SLC22A23: variants seen among roughly 807,000 people sequenced by gnomAD.
SLC22A23 encodes ion transporter protein.
In SLC22A23, 26 loss-of-function variants were observed where a neutral mutation model predicts 61.0. The ratio of observed to expected loss-of-function variants is 0.43; its 90% confidence interval spans 0.31 to 0.59. SLC22A23 has a LOEUF of 0.59. Ranked by LOEUF, SLC22A23 falls within the 20% of genes least tolerant of loss-of-function variation. The pLI, the probability that SLC22A23 is intolerant of heterozygous loss-of-function variation, is 0.11. For synonymous variants in SLC22A23, 430 were observed against 413.9 expected, an observed-to-expected ratio of 1.04 and a Z score of -0.47; for missense variants, 796 against 934.7, an observed-to-expected ratio of 0.85 and a Z score of 1.94.
At chr6:3,433,861 C>T (rs968214611) in intron 1 of SLC22A23, among the ~76,000 whole-genome samples, 1 of 152,148 alleles carries the variant, frequency 6.6e-6, no homozygotes, top group South Asian at 2.1e-4. Context: ...ATTAACGCAG[C>T]GGTTGCCTAA....
rs997159370 is a variant in SLC22A23 at position 3,270,669 on chromosome 6, G to A, written c.*2386C>T. 5.9e-5 allele frequency: 9 copies of A among 152,518 alleles called. No homozygotes were observed. Among genetic ancestry groups the A allele is most frequent in the African/African-American group, 2.2e-4 (9 of 41,580 alleles). The allele number at this position is 152,518 out of a possible 1,614,324, so 9.4% of individuals were successfully genotyped here. ...AAAGCTAGCCTCTTTTCCAGTCATC[G>A]ATGGATTAGTCCTGATGGCTGAAGT... On this transcript the variant is annotated 3_prime_UTR_variant, in exon 10 of 10. Transcript: ENST00000406686.
chr6:3,364,190 T>A (rs770441578), intron 3 of SLC22A23, among the ~76,000 whole-genome samples: 1 of 152,202 alleles, frequency 6.6e-6, no homozygotes, highest in Non-Finnish European at 1.5e-5. Flanking sequence ...AAATGAACAC[T>A]AACTGTCCTT....
At chr6:3,285,141 C>T (rs1421437239) in intron 7 of SLC22A23, 30 bp from the exon 8 acceptor site, 23 of 1,612,822 alleles carry the variant, frequency 1.4e-5, no homozygotes, top group South Asian at 6.6e-5. Flanking sequence ...CGCACCCACA[C>T]GGACAAGGGC....
chr6:3,334,453 G>A (rs767239745), intron 3 of SLC22A23, among the ~76,000 whole-genome samples: 31 of 151,710 alleles, frequency 2.0e-4, no homozygotes, highest in South Asian at 4.2e-4. Flanking sequence ...GAGCCACTGC[G>A]CCCAGCGTAG....
chr6:3,368,397 A>G (rs967431808), intron 3 of SLC22A23, among the ~76,000 whole-genome samples: 1 of 152,158 alleles, frequency 6.6e-6, no homozygotes, highest in Non-Finnish European at 1.5e-5. Context: ...GTGAAACTCT[A>G]TGCATGTGTG....
chr6:3,336,538 A>G (rs1483268217), intron 3 of SLC22A23, among the ~76,000 whole-genome samples: 1 of 152,176 alleles, frequency 6.6e-6, no homozygotes, highest in Non-Finnish European at 1.5e-5. Context: ...CTTCTCACAT[A>G]ACTCAATGTT....
chr6:3,347,403 C>A (rs1331584959), intron 3 of SLC22A23, among the ~76,000 whole-genome samples: 1 of 152,070 alleles, frequency 6.6e-6, no homozygotes, highest in Admixed American at 6.6e-5. Context: ...GAGCAACCAA[C>A]CCCCAACATT....
intron 1 of SLC22A23, among the ~76,000 whole-genome samples, chr6:3,449,644 G>T (rs765582763): frequency 3.9e-5 from 6 of 152,178 alleles, no homozygotes; most frequent in South Asian, 2.1e-4. Context: ...CATCAAACTA[G>T]AAAATATGTA....
chr6:3,315,711 A>C (rs2127388023), intron 4 of SLC22A23, among the ~76,000 whole-genome samples: 1 of 152,210 alleles, frequency 6.6e-6, no homozygotes, highest in Admixed American at 6.5e-5. Context: ...AAAAATACAA[A>C]AAATTAGCCA....
At chr6:3,307,605 A>G (rs534947911) in intron 4 of SLC22A23, among the ~76,000 whole-genome samples, 10 of 152,324 alleles carry the variant, frequency 6.6e-5, no homozygotes, top group Non-Finnish European at 8.8e-5. Flanking sequence ...GCTGGCGTCC[A>G]ATATGGACGT....
At chr6:3,348,763 C>T (rs952050387) in intron 3 of SLC22A23, among the ~76,000 whole-genome samples, 10 of 152,186 alleles carry the variant, frequency 6.6e-5, no homozygotes, top group Non-Finnish European at 1.2e-4. Flanking sequence ...TTCAAACCTT[C>T]CAGCTGCAGA....
intron 3 of SLC22A23, among the ~76,000 whole-genome samples, chr6:3,336,379 A>ATTTTAAT (rs1763861233): frequency 6.6e-6 from 1 of 152,166 alleles, no homozygotes; most frequent in Non-Finnish European, 1.5e-5. Flanking sequence ...AATCCATCTG[A>ATTTTAAT]CATCCTGCTG....
chr6:3,305,861 T>G (rs1389293268), intron 4 of SLC22A23, among the ~76,000 whole-genome samples: 3 of 152,216 alleles, frequency 2.0e-5, no homozygotes, highest in African/African-American at 7.2e-5. Flanking sequence ...AGCCTTGAAG[T>G]TGGCTCTCAG....
At chr6:3,443,213 A>T (rs1266592493) in intron 1 of SLC22A23, among the ~76,000 whole-genome samples, 1 of 152,258 alleles carries the variant, frequency 6.6e-6, no homozygotes, top group African/African-American at 2.4e-5. Context: ...CTAGCTCTGC[A>T]GTGGTGACAA....
At chr6:3,331,457 T>C (rs993648029) in intron 3 of SLC22A23, among the ~76,000 whole-genome samples, 16 of 152,230 alleles carry the variant, frequency 1.1e-4, no homozygotes, top group Admixed American at 8.5e-4. Flanking sequence ...TGGAAGAGAC[T>C]GGCCAGTGAC....
chr6:3,368,984 A>G (rs1376901554), intron 3 of SLC22A23, among the ~76,000 whole-genome samples: 14 of 152,320 alleles, frequency 9.2e-5, no homozygotes, highest in Admixed American at 3.3e-4. Context: ...TTAAAATTCA[A>G]TGGTCTTTCC....
intron 3 of SLC22A23, among the ~76,000 whole-genome samples, chr6:3,380,895 CCTA>C (rs1341862085): frequency 6.6e-6 from 1 of 152,080 alleles, no homozygotes. Flanking sequence ...ATCCAGGAGG[CCTA>C]GCAGGTCTCT....
intron 1 of SLC22A23, among the ~76,000 whole-genome samples, chr6:3,416,224 C>G (rs1210797130): frequency 1.3e-5 from 2 of 152,376 alleles, no homozygotes; most frequent in East Asian, 3.9e-4. Context: ...AAGAGCTGCT[C>G]TGAGTGCCCA....
intron 3 of SLC22A23, among the ~76,000 whole-genome samples, chr6:3,375,333 T>A (rs756292847): frequency 3.3e-5 from 5 of 152,248 alleles, no homozygotes; most frequent in Non-Finnish European, 7.3e-5. Context: ...TAGAGTCTGA[T>A]GAATTCTCAT....
Sources: gnomAD v4.1 joint callset for allele counts (sites outside exome capture counted in the v4.1 genomes callset) on GRCh38, gnomAD v4.1.1 for gene constraint, MANE v1.5 for transcripts, NCBI Gene and HGNC (gene_info 2026-07-23, HGNC 2026-07-21) for gene names.